The following ADGRE1 variants were observed in gnomAD, a reference collection of about 807,000 sequenced individuals.
ADGRE1 encodes adhesion G protein-coupled receptor E1.
ADGRE1 carries 82 observed loss-of-function variants against 102.7 expected under a neutral mutation model. The observed-to-expected ratio is 0.80, with a 90% CI of 0.67 to 0.96. The LOEUF (loss-of-function observed/expected upper bound fraction) is 0.96. ADGRE1 is among the 40% of genes least tolerant of loss of function. ADGRE1 has a pLI of 0.00. For synonymous variants in ADGRE1, 398 were observed against 399.6 expected, an observed-to-expected ratio of 1.00 and a Z score of 0.05; for missense variants, 1,032 against 1,085.3, an observed-to-expected ratio of 0.95 and a Z score of 0.69.
At chr19:6,923,264 G>A (rs1974747971) in intron 14 of ADGRE1, among the ~76,000 whole-genome samples, 2 of 152,086 alleles carry the variant, frequency 1.3e-5, no homozygotes, top group Non-Finnish European at 1.5e-5. Context: ...TCTTGGAAAA[G>A]TCACTTAACT....
Position 6,940,015 on chromosome 19 carries a change from C to A in ADGRE1, c.2656-9C>A, listed in dbSNP as rs1975607010. 2.5e-6 allele frequency: 4 copies of A among 1,613,926 alleles called. No homozygotes were observed. Among genetic ancestry groups the A allele is most frequent in the Middle Eastern group, 1.7e-4 (1 of 6,060 alleles). ...GCAGACTCTGAGGAAATTCTTTTCT[C>A]TCTCACAGGGTTAAAGTCCTTTCTT... On this transcript the variant is annotated splice_polypyrimidine_tract_variant and intron_variant, in intron 20 of 20. Transcript: ENST00000312053.
At position 6,919,417 on chromosome 19, in the gene ADGRE1, TCTCTC is replaced by T. The variant is rs1974535226; in HGVS notation, c.1421-130_1421-126del. 6.9e-6 allele frequency: 4 copies of T among 582,408 alleles called. No individual in the cohort carries two copies. The African/African-American group carries it at 8.1e-5, about 12-fold the overall frequency. 36.1% of individuals were successfully genotyped at this position (582,408 alleles called of 1,614,324 possible). A position where few individuals can be genotyped will look rare whatever the true frequency, so the allele number is the denominator to read the frequency against. ...GGTGAGGTGCATGACTCTCTCTCTCTCTCTCTCTCTCCCCCTCCCTCCCTCTGTGT... is the reference window on the plus strand; with the variant it reads ...GGTGAGGTGCATGACTCTCTCTCTCTTCTCTCCCCCTCCCTCCCTCTGTGT... On this transcript the variant is annotated intron_variant, in intron 12 of 20. Coordinates refer to ENST00000312053, the MANE Select transcript of ADGRE1 (RefSeq NM_001974.5).
chr19:6,894,418 G>T (rs977574644), intron 2 of ADGRE1, among the ~76,000 whole-genome samples: 1 of 152,160 alleles, frequency 6.6e-6, no homozygotes, highest in African/African-American at 2.4e-5. Context: ...AGCTCAGGGA[G>T]CTGTGGAGGA....
intron 18 of ADGRE1, among the ~76,000 whole-genome samples, chr19:6,936,171 T>G (rs373253675): frequency 2.6e-5 from 4 of 152,294 alleles, no homozygotes; most frequent in Non-Finnish European, 1.5e-5. Flanking sequence ...GTGTGGTGGC[T>G]CATGCCTGTA....
chr19:6,926,445 T>C lies in ADGRE1; in HGVS notation c.2066T>C (p.Ile689Thr), dbSNP rs1974915848. 6.2e-7 allele frequency: 1 copy of C among 1,614,138 alleles called. No homozygotes were observed. Residue 689 changes from isoleucine to threonine, a missense_variant, in exon 16 of 21, where the codon ATA becomes ACA. By Grantham distance (89) the Ile-to-Thr change is moderately conservative. Coordinates refer to ENST00000312053, the MANE Select transcript of ADGRE1 (RefSeq NM_001974.5). ...TTCTGGATGCTGGTGGAGGCTGTGATACTGTTCTTGATGGTCAGAAACCTG... is the reference window on the plus strand; with the variant it reads ...TTCTGGATGCTGGTGGAGGCTGTGACACTGTTCTTGATGGTCAGAAACCTG... ...CFFWMLVEAV[I>T]LFLMVRNLKV...
At chr19:6,927,503 G>A (rs1201133733) in intron 16 of ADGRE1, among the ~76,000 whole-genome samples, 1 of 152,076 alleles carries the variant, frequency 6.6e-6, no homozygotes, top group Non-Finnish European at 1.5e-5. Flanking sequence ...ATTAAACAAG[G>A]TAACTTACGA....
chr19:6,929,330 G>A (rs923013394), intron 17 of ADGRE1, among the ~76,000 whole-genome samples: 4 of 152,172 alleles, frequency 2.6e-5, no homozygotes, highest in African/African-American at 9.7e-5. Flanking sequence ...CTGGCTTGAG[G>A]GGGCGGTGTC....
At chr19:6,911,409 T>C (rs1291643174) in intron 10 of ADGRE1, among the ~76,000 whole-genome samples, 2 of 147,906 alleles carry the variant, frequency 1.4e-5, no homozygotes, top group Admixed American at 1.4e-4. Flanking sequence ...TTTTTTTGCT[T>C]GGGTCAGAGT....
At chr19:6,894,390 T>A (rs1973478689) in intron 2 of ADGRE1, among the ~76,000 whole-genome samples, 2 of 152,048 alleles carry the variant, frequency 1.3e-5, no homozygotes, top group African/African-American at 4.8e-5. Flanking sequence ...ACGGTTTTGA[T>A]GAATTCCATA....
intron 15 of ADGRE1, among the ~76,000 whole-genome samples, chr19:6,925,671 CT>C (rs1974869662): frequency 6.8e-6 from 1 of 148,084 alleles, no homozygotes; most frequent in African/African-American, 2.6e-5. Flanking sequence ...CTCTACTTCC[CT>C]TTATTTTTCT....
Position 6,940,052 on chromosome 19 carries a change from T to C in ADGRE1, c.*23T>C. On this transcript the variant is annotated 3_prime_UTR_variant, in exon 21 of 21. Coordinates refer to ENST00000312053, the MANE Select transcript of ADGRE1 (RefSeq NM_001974.5). ...TAAAGTCCTTTCTTGCTTTCAAATA[T>C]GCTATGGAGCCACAGTTGAGGACAG... The C allele has an allele frequency of 6.2e-7, 1 of 1,613,444 alleles. No individual in the cohort carries two copies. Among genetic ancestry groups the C allele is most frequent in the South Asian group, 1.1e-5 (1 of 90,934 alleles).
intron 10 of ADGRE1, among the ~76,000 whole-genome samples, chr19:6,910,735 G>A (rs920431816): frequency 2.0e-5 from 3 of 151,652 alleles, no homozygotes; most frequent in African/African-American, 7.3e-5. Context: ...CCAAGCGTGG[G>A]TAATATTTTG....
At chr19:6,939,307 A>G (rs942966692) in intron 20 of ADGRE1, among the ~76,000 whole-genome samples, 1 of 152,226 alleles carries the variant, frequency 6.6e-6, no homozygotes, top group African/African-American at 2.4e-5. Context: ...ATTTGTAAGC[A>G]TTGAAAACAA....
intron 17 of ADGRE1, among the ~76,000 whole-genome samples, chr19:6,929,160 T>C (rs12461871): frequency 0.53 from 80,810 of 151,856 alleles, 23,501 homozygotes; most frequent in African/African-American, 0.77. Context: ...TGCCTCATGC[T>C]AAGGAAATCA....
At chr19:6,900,043 G>A (rs991944429) in intron 5 of ADGRE1, among the ~76,000 whole-genome samples, 4 of 149,802 alleles carry the variant, frequency 2.7e-5, no homozygotes, top group Non-Finnish European at 4.4e-5. Flanking sequence ...GCAGTGAGCC[G>A]AGATCACACC....
rs1283237145 is a variant in ADGRE1 at position 6,925,077 on chromosome 19, G to A, written c.1986+205G>A. 3.3e-5 allele frequency among the ~76,000 whole-genome samples: 5 copies of A among 152,092 alleles called. No homozygotes were observed. The South Asian group carries it at 8.3e-4, about 25-fold the overall frequency. On this transcript the variant is annotated intron_variant, in intron 15 of 20. Transcript: ENST00000312053. ...TCAGTTTAAACTTATGTCCCTGATC[G>A]TGTTATGAATTATAGTGGTTCCTCC...
At chr19:6,890,346 G>C in intron 1 of ADGRE1, 135 bp from the exon 2 acceptor site, 1 of 727,488 alleles carries the variant, frequency 1.4e-6, no homozygotes, top group East Asian at 2.7e-5. Flanking sequence ...CCTTAACTAG[G>C]TTTGTCATCT....
Position 6,901,998 on chromosome 19 carries a change from A to C in ADGRE1, c.638A>C (p.Gln213Pro). Reference sequence around the variant, plus strand: ...TCCAGCAGTGGCCACTTGAGTTTCCAGGGTCTCAAAGCATCGTGTGAAGGT... The same window carrying C: ...TCCAGCAGTGGCCACTTGAGTTTCCCGGGTCTCAAAGCATCGTGTGAAGGT... ...FESSSGHLSF[Q>P]GLKASCEDID... Residue 213 changes from glutamine to proline, a missense_variant, in exon 6 of 21, where the codon CAG becomes CCG. By Grantham distance (76) the Gln-to-Pro change is moderately conservative. Coordinates refer to ENST00000312053, the MANE Select transcript of ADGRE1 (RefSeq NM_001974.5). The C allele has an allele frequency of 6.2e-7, 1 of 1,614,190 alleles. No homozygotes were observed. The highest frequency in any genetic ancestry group is 8.5e-7 in the Non-Finnish European group (1 of 1,180,028).
In ADGRE1 at chr19:6,921,695, TTTTTTTG is replaced by T. The variant is rs770180814; in HGVS notation, c.1621-11_1621-5del. 8.4e-6 allele frequency: 13 copies of T among 1,551,494 alleles called. No homozygotes were observed. Among genetic ancestry groups the T allele is most frequent in the African/African-American group, 1.7e-5 (1 of 60,500 alleles). The stretch of plus-strand genomic sequence containing the variant: ...TTCCCAGAAGACCTTTGTTTTTTTG[TTTTTTTG>T]TTTTTTTTAGCCAAAGCAGAAGTTT... On this transcript the variant is annotated splice_polypyrimidine_tract_variant and intron_variant, in intron 13 of 20. Transcript: ENST00000312053.
Sources: allele counts gnomAD v4.1 joint callset (sites outside exome capture counted in the v4.1 genomes callset), GRCh38; gene constraint gnomAD v4.1.1; transcripts MANE v1.5; gene names NCBI Gene and HGNC (gene_info 2026-07-23, HGNC 2026-07-21).